The following RBFOX1 variants were observed in gnomAD, a reference collection of about 807,000 sequenced individuals.
RBFOX1 encodes the protein RNA binding fox-1 homolog 1.
In RBFOX1, 8 loss-of-function variants were observed where a neutral mutation model predicts 57.7. That is an observed-to-expected ratio of 0.14 (90% confidence interval 0.08 to 0.25). The LOEUF (loss-of-function observed/expected upper bound fraction) is 0.25, where lower values mean the gene tolerates loss of function less well. Among genes scored for constraint, RBFOX1 ranks in the 10% least tolerant of loss-of-function variants. The pLI, the probability that RBFOX1 is intolerant of heterozygous loss-of-function variation, is 1.00. For synonymous variants in RBFOX1, 326 were observed against 222.4 expected (o/e 1.47, Z -4.15); for missense variants, 611 against 548.5 (o/e 1.11, Z -1.14).
At chr16:5,401,764 T>TCTCCTCCTCCTCCTCCTCCTCCTC (rs71142618) in intron 1 of RBFOX1, among the ~76,000 whole-genome samples, 1 of 103,410 alleles carries the variant, frequency 9.7e-6, no homozygotes, top group African/African-American at 3.4e-5. Context: ...TCCCTGTCTC[T>TCTCCTCCTCCTCCTCCTCCTCCTC]CTCCTCCTCC....
chr16:6,744,661 G>C (rs994138478), intron 3 of RBFOX1, among the ~76,000 whole-genome samples: 11 of 151,974 alleles, frequency 7.2e-5, no homozygotes, highest in African/African-American at 2.4e-4. Flanking sequence ...ATATACATAA[G>C]ACATATCAGA....
intron 3 of RBFOX1, among the ~76,000 whole-genome samples, chr16:6,762,831 A>G (rs939560814): frequency 5.3e-5 from 8 of 152,194 alleles, no homozygotes; most frequent in Admixed American, 5.2e-4. Context: ...AGGTGTTACC[A>G]GAGTCATAGT....
chr16:7,152,178 G>C lies in RBFOX1; in HGVS notation c.27+100080G>C, dbSNP rs1225069696. 2.0e-5 allele frequency among the ~76,000 whole-genome samples: 3 copies of C among 152,136 alleles called. No homozygotes were observed. In the East Asian group the frequency reaches 5.8e-4, roughly 29 times the overall value. On this transcript the variant is annotated intron_variant, in intron 4 of 15. Coordinates refer to ENST00000550418, the MANE Select transcript of RBFOX1 (RefSeq NM_018723.4). The stretch of plus-strand genomic sequence containing the variant: ...CATCCTCACCCCTGAGCTGATTCTT[G>C]GAGTTAGAAGGAGAGTGAATTTTGA...
intron 3 of RBFOX1, among the ~76,000 whole-genome samples, chr16:5,695,932 C>T (rs779511128): frequency 4.6e-5 from 7 of 152,070 alleles, no homozygotes; most frequent in Admixed American, 3.3e-4. Context: ...AATAAAAAAT[C>T]GATAAGAGAA....
chr16:5,872,702 C>T (rs2057506050), intron 4 of RBFOX1, among the ~76,000 whole-genome samples: 1 of 151,830 alleles, frequency 6.6e-6, no homozygotes, highest in Non-Finnish European at 1.5e-5. Context: ...CACCACTGCA[C>T]TCTAGCCTGG....
At chr16:6,842,165 AAT>A (rs2093507331) in intron 3 of RBFOX1, among the ~76,000 whole-genome samples, 6 of 150,992 alleles carry the variant, frequency 4.0e-5, no homozygotes, top group African/African-American at 1.2e-4. Context: ...AAAATAAATA[AAT>A]AAATAAATAA....
intron 1 of RBFOX1, among the ~76,000 whole-genome samples, chr16:6,106,696 G>A (rs552996674): frequency 2.0e-5 from 3 of 152,070 alleles, no homozygotes; most frequent in Admixed American, 1.3e-4. Flanking sequence ...GAGACGGAGT[G>A]TCGCTCTGTT....
intron 4 of RBFOX1, among the ~76,000 whole-genome samples, chr16:7,458,111 G>A (rs772979557): frequency 2.0e-5 from 3 of 152,058 alleles, no homozygotes; most frequent in Non-Finnish European, 4.4e-5. Flanking sequence ...GTTCTTTGCC[G>A]TATTCCAGTA....
intron 3 of RBFOX1, among the ~76,000 whole-genome samples, chr16:5,766,976 T>G (rs1395724753): frequency 6.6e-6 from 1 of 152,234 alleles, no homozygotes; most frequent in African/African-American, 2.4e-5. Context: ...TCCCATCACC[T>G]TATTTCAGGG....
chr16:7,172,430 G>T (rs2080878951), intron 4 of RBFOX1, among the ~76,000 whole-genome samples: 1 of 152,124 alleles, frequency 6.6e-6, no homozygotes, highest in Non-Finnish European at 1.5e-5. Flanking sequence ...CATGGCAGTG[G>T]TGGATAAAAT....
At chr16:5,629,172 A>C (rs1165340227) in intron 3 of RBFOX1, among the ~76,000 whole-genome samples, 1 of 152,218 alleles carries the variant, frequency 6.6e-6, no homozygotes, top group African/African-American at 2.4e-5. Flanking sequence ...GGGCTGGATA[A>C]GCAACCTGAA....
chr16:7,217,095 T>TCCTTC (rs1432652734), intron 4 of RBFOX1, among the ~76,000 whole-genome samples: 2 of 129,196 alleles, frequency 1.5e-5, no homozygotes, highest in African/African-American at 6.0e-5. Context: ...TGTTTCCCTT[T>TCCTTC]CCTTCCCTTC....
At chr16:5,902,840 A>T (rs896743613) in intron 4 of RBFOX1, among the ~76,000 whole-genome samples, 1 of 152,182 alleles carries the variant, frequency 6.6e-6, no homozygotes, top group African/African-American at 2.4e-5. Context: ...CTAAAAGTGT[A>T]TCATTCACAA....
chr16:7,696,699 A>ATAATATATATGCATAG (rs1249598970), intron 14 of RBFOX1, among the ~76,000 whole-genome samples: 3 of 152,148 alleles, frequency 2.0e-5, no homozygotes, highest in Non-Finnish European at 4.4e-5. Flanking sequence ...GAATAAGCAG[A>ATAATATATATGCATAG]TAATATATAT....
At chr16:5,777,319 C>A (rs1319781018) in intron 3 of RBFOX1, among the ~76,000 whole-genome samples, 1 of 152,202 alleles carries the variant, frequency 6.6e-6, no homozygotes, top group African/African-American at 2.4e-5. Context: ...GACCCTGCTG[C>A]CTTCTTCTGA....
chr16:5,774,506 C>T (rs1040491113), intron 3 of RBFOX1, among the ~76,000 whole-genome samples: 9 of 152,208 alleles, frequency 5.9e-5, no homozygotes, highest in African/African-American at 2.2e-4. Context: ...TCTATTTCAA[C>T]AAGGAGAGGT....
chr16:6,887,421 A>G (rs890249997), intron 3 of RBFOX1, among the ~76,000 whole-genome samples: 2 of 152,132 alleles, frequency 1.3e-5, no homozygotes, highest in African/African-American at 2.4e-5. Context: ...TGGTTGTATC[A>G]TCTGTGGGCT....
intron 1 of RBFOX1, among the ~76,000 whole-genome samples, chr16:6,276,465 A>G (rs1236415895): frequency 6.6e-6 from 1 of 152,132 alleles, no homozygotes; most frequent in Non-Finnish European, 1.5e-5. Context: ...CAGCCTCCCA[A>G]GTAGCTGGGA....
At chr16:7,047,770 G>A (rs78558183) in intron 3 of RBFOX1, among the ~76,000 whole-genome samples, 791 of 43,308 alleles carry the variant, frequency 0.018, 12 homozygotes, top group African/African-American at 0.052. Flanking sequence ...TTTCCCCTAT[G>A]TTGTTTAGAA....
Sources: gnomAD v4.1 joint callset for allele counts (sites outside exome capture counted in the v4.1 genomes callset) on GRCh38, gnomAD v4.1.1 for gene constraint, MANE v1.5 for transcripts, NCBI Gene and HGNC (gene_info 2026-07-23, HGNC 2026-07-21) for gene names.